FOXN3: variants seen among roughly 807,000 people sequenced by gnomAD.
The protein encoded by FOXN3 is forkhead box protein N3.
In FOXN3, 7 loss-of-function variants were observed where a neutral mutation model predicts 38.4. The ratio of observed to expected loss-of-function variants is 0.18; its 90% CI spans 0.10 to 0.34. The LOEUF (loss-of-function observed/expected upper bound fraction) is 0.34, where lower values mean the gene tolerates loss of function less well. Ranked by LOEUF, FOXN3 falls within the 10% of genes least tolerant of loss-of-function variation. The pLI, the probability that FOXN3 is intolerant of heterozygous loss-of-function variation, is 1.00. For synonymous variants in FOXN3, 230 were observed against 242.2 expected (o/e 0.95, Z 0.47); for missense variants, 456 against 613.4 (o/e 0.74, Z 2.71).
intron 1 of FOXN3, among the ~76,000 whole-genome samples, chr14:89,430,417 A>T (rs1457690969): frequency 3.3e-5 from 5 of 152,210 alleles, no homozygotes; most frequent in Non-Finnish European, 4.4e-5. Flanking sequence ...TTCAGCACAG[A>T]TAAACACAGC....
chr14:89,442,760 C>G (rs1453616841), intron 1 of FOXN3, among the ~76,000 whole-genome samples: 4 of 149,946 alleles, frequency 2.7e-5, no homozygotes, highest in Admixed American at 2.6e-4. Flanking sequence ...CTCCAACCAG[C>G]CAGTATTTAC....
chr14:89,331,774 T>C (rs943234885), intron 3 of FOXN3, among the ~76,000 whole-genome samples: 1 of 152,252 alleles, frequency 6.6e-6, no homozygotes, highest in Non-Finnish European at 1.5e-5. Context: ...TAGCCTCCTC[T>C]GTGCAATGCA....
At chr14:89,190,075 C>T (rs181702588) in intron 4 of FOXN3, among the ~76,000 whole-genome samples, 1 of 152,326 alleles carries the variant, frequency 6.6e-6, no homozygotes, top group Admixed American at 6.5e-5. Context: ...AGGAACAATA[C>T]CTGCAGGAGC....
intron 1 of FOXN3, among the ~76,000 whole-genome samples, chr14:89,432,365 G>C (rs1001504100): frequency 2.6e-5 from 4 of 152,164 alleles, no homozygotes; most frequent in African/African-American, 9.7e-5. Context: ...CATTCAAGGC[G>C]CTTGAACAAC....
At chr14:89,239,732 T>C (rs1268880160) in intron 4 of FOXN3, among the ~76,000 whole-genome samples, 1 of 152,248 alleles carries the variant, frequency 6.6e-6, no homozygotes, top group African/African-American at 2.4e-5. Context: ...AACAGTCATA[T>C]CAATGATACT....
At position 89,568,597 on chromosome 14, in the gene FOXN3, T is replaced by G. The variant is rs1895416394; in HGVS notation, c.-15+50431A>C. ...GCTCCTCAGGGCTGGCCCCTAACAT[T>G]TGCGTCCTTTCTTGCTTCTTATCAC... is the stretch of plus-strand genomic sequence containing the variant. On this transcript the variant is annotated intron_variant, in intron 1 of 6. Coordinates refer to the FOXN3 transcript ENST00000345097. 2.0e-5 allele frequency among the ~76,000 whole-genome samples: 3 copies of G among 152,316 alleles called. No homozygotes were observed. In the South Asian group the frequency reaches 6.2e-4, roughly 32 times the overall value.
At chr14:89,521,589 T>C (rs1480377585) in intron 1 of FOXN3, among the ~76,000 whole-genome samples, 1 of 152,036 alleles carries the variant, frequency 6.6e-6, no homozygotes, top group Non-Finnish European at 1.5e-5. Context: ...AATGAGACAC[T>C]AAGTCAATAT....
In FOXN3 at chr14:89,581,648, T is replaced by C. The variant is rs182853045; in HGVS notation, c.-15+37380A>G. On this transcript the variant is annotated intron_variant, in intron 1 of 6. Coordinates refer to the FOXN3 transcript ENST00000345097. ...TGCTTGACTGTGGCTCCCAGGGCCA[T>C]GGTGTTTGATGTTAAGTCCTTCCAG... is the stretch of plus-strand genomic sequence containing the variant. Among the ~76,000 whole-genome samples the C allele has an allele frequency of 1.8e-3, 281 of 152,220 alleles. 1 individual carries two copies. The highest frequency in any genetic ancestry group is 6.2e-3 in the Admixed American group (94 of 15,272).
chr14:89,244,335 C>T (rs960209698), intron 4 of FOXN3, among the ~76,000 whole-genome samples: 1 of 152,208 alleles, frequency 6.6e-6, no homozygotes, highest in Non-Finnish European at 1.5e-5. Flanking sequence ...CCCGTCTAAG[C>T]CATACCTACA....
rs570283100 is a variant in FOXN3, at chr14:89,385,560, C to A, written c.543+26374G>T. 5.4e-5 allele frequency among the ~76,000 whole-genome samples: 8 copies of A among 146,984 alleles called. No individual in the cohort carries two copies. The South Asian group carries it at 1.8e-3, about 32-fold the overall frequency. On this transcript the variant is annotated intron_variant, in intron 2 of 5. Coordinates refer to ENST00000557258, the MANE Select transcript of FOXN3 (RefSeq NM_005197.4). ...CCATGGTTCACGCCTGTAATCCCAG[C>A]AGTTTGGGAGGCAGAGGCAGATGGA...
intron 1 of FOXN3, among the ~76,000 whole-genome samples, chr14:89,559,225 C>T (rs1895196224): frequency 6.6e-6 from 1 of 151,938 alleles, no homozygotes; most frequent in South Asian, 2.1e-4. Flanking sequence ...GCAAAAAATA[C>T]AAAAATGTGC....
At chr14:89,318,910 C>T (rs938015477) in intron 3 of FOXN3, among the ~76,000 whole-genome samples, 5 of 152,280 alleles carry the variant, frequency 3.3e-5, no homozygotes, top group East Asian at 1.9e-4. Context: ...ACATCAAAGA[C>T]GGGCTGGAAT....
chr14:89,394,732 G>A (rs1566638935), intron 2 of FOXN3, among the ~76,000 whole-genome samples: 1 of 152,184 alleles, frequency 6.6e-6, no homozygotes, highest in Non-Finnish European at 1.5e-5. Context: ...CCAGGAATAG[G>A]ATACCTGAAG....
intron 3 of FOXN3, among the ~76,000 whole-genome samples, chr14:89,348,247 G>A (rs1297796671): frequency 6.6e-6 from 1 of 152,036 alleles, no homozygotes; most frequent in Non-Finnish European, 1.5e-5. Flanking sequence ...GGGGCTGACG[G>A]GTGATTCCCC....
intron 2 of FOXN3, among the ~76,000 whole-genome samples, chr14:89,368,996 G>T (rs1259645198): frequency 6.6e-6 from 1 of 152,120 alleles, no homozygotes; most frequent in Non-Finnish European, 1.5e-5. Flanking sequence ...TGACAATGCC[G>T]AAGTGCCCTC....
intron 4 of FOXN3, among the ~76,000 whole-genome samples, chr14:89,244,786 G>A (rs1885240833): frequency 6.6e-6 from 1 of 152,220 alleles, no homozygotes; most frequent in South Asian, 2.1e-4. Context: ...TTTCTGGAGA[G>A]AGGCTACAGC....
At chr14:89,465,284 C>T (rs774755864) in intron 1 of FOXN3, among the ~76,000 whole-genome samples, 20 of 152,142 alleles carry the variant, frequency 1.3e-4, no homozygotes, top group Non-Finnish European at 2.4e-4. Context: ...GGCTGGAGTG[C>T]AGTCGCACGA....
chr14:89,392,376 AG>A (rs1890971694), intron 2 of FOXN3, among the ~76,000 whole-genome samples: 1 of 152,214 alleles, frequency 6.6e-6, no homozygotes, highest in Non-Finnish European at 1.5e-5. Flanking sequence ...CTCTGTTCCC[AG>A]GGCTGCTGTA....
At chr14:89,386,184 A>G (rs1890785208) in intron 2 of FOXN3, among the ~76,000 whole-genome samples, 1 of 152,196 alleles carries the variant, frequency 6.6e-6, no homozygotes. Flanking sequence ...ATGTAGGAGG[A>G]GCTAAGTGTT....
Sources: allele counts gnomAD v4.1 joint callset (sites outside exome capture counted in the v4.1 genomes callset), GRCh38; gene constraint gnomAD v4.1.1; transcripts MANE v1.5; gene names NCBI Gene and HGNC (gene_info 2026-07-23, HGNC 2026-07-21).